The following TRPC7 variants were observed in gnomAD, a reference collection of about 807,000 sequenced individuals.
The protein encoded by TRPC7 is short transient receptor potential channel 7.
TRPC7 carries 42 observed loss-of-function variants against 90.1 expected under a neutral mutation model. The observed-to-expected ratio is 0.47, with a 90% CI of 0.36 to 0.60. The LOEUF is 0.60. Among genes scored for constraint, TRPC7 ranks in the 20% least tolerant of loss-of-function variants. TRPC7 has a pLI of 0.00. For synonymous variants in TRPC7, 451 were observed against 436.3 expected, an observed-to-expected ratio of 1.03 and a Z score of -0.42; for missense variants, 955 against 1,112.3, an observed-to-expected ratio of 0.86 and a Z score of 2.01.
intron 2 of TRPC7, among the ~76,000 whole-genome samples, chr5:136,336,747 T>C (rs11956571): frequency 0.087 from 13,207 of 152,030 alleles, 735 homozygotes; most frequent in Non-Finnish European, 0.13. Context: ...CACCTATGAG[T>C]GAGAACATGT....
chr5:136,253,897 A>G (rs756429996), intron 5 of TRPC7, among the ~76,000 whole-genome samples: 2 of 152,224 alleles, frequency 1.3e-5, no homozygotes, highest in African/African-American at 2.4e-5. Context: ...TGTGCCAGAC[A>G]TCTAAGTTCT....
At chr5:136,340,636 A>G (rs2149852058) in intron 2 of TRPC7, among the ~76,000 whole-genome samples, 1 of 152,272 alleles carries the variant, frequency 6.6e-6, no homozygotes, top group African/African-American at 2.4e-5. Flanking sequence ...CCATAAGCCA[A>G]ACTGAAAAAA....
chr5:136,354,195 AG>A (rs1172098061), intron 2 of TRPC7, among the ~76,000 whole-genome samples: 1 of 152,236 alleles, frequency 6.6e-6, no homozygotes, highest in African/African-American at 2.4e-5. Context: ...CAACAAGCAA[AG>A]TTCAACCAAT....
intron 5 of TRPC7, among the ~76,000 whole-genome samples, chr5:136,264,169 C>G (rs1021589803): frequency 1.3e-5 from 2 of 152,136 alleles, no homozygotes; most frequent in African/African-American, 2.4e-5. Context: ...TAGCTAGAGA[C>G]ACATCCCTTA....
chr5:136,237,320 T>G lies in TRPC7; in HGVS notation c.1845-5771A>C, dbSNP rs1052016607. Among the ~76,000 whole-genome samples the G allele has an allele frequency of 2.0e-4, 30 of 152,164 alleles. 1 individual carries two copies. The highest frequency in any genetic ancestry group is 1.7e-3 in the Admixed American group (26 of 15,280). On this transcript the variant is annotated intron_variant, in intron 7 of 11. Transcript: ENST00000513104. ...ATATGTAAAGCCTGTGCAGCCTAGA[T>G]TTATTTATACTGAGGGGTTTCACTG...
chr5:136,342,815 T>C lies in TRPC7; in HGVS notation c.780+13793A>G, dbSNP rs185629485. ...CAATTGTTTGAGACAAACAAATCTATGCACAGAAAATATAACTGGATCTCC... is the reference window on the plus strand; with the variant it reads ...CAATTGTTTGAGACAAACAAATCTACGCACAGAAAATATAACTGGATCTCC... On this transcript the variant is annotated intron_variant, in intron 2 of 11. Transcript: ENST00000513104. Among the ~76,000 whole-genome samples, 221 of 152,280 alleles carry C rather than the reference T, an allele frequency of 1.5e-3. 1 individual carries two copies. The highest frequency in any genetic ancestry group is 5.2e-3 in the African/African-American group (216 of 41,546).
At chr5:136,346,809 C>T (rs1188660540) in intron 2 of TRPC7, among the ~76,000 whole-genome samples, 2 of 152,152 alleles carry the variant, frequency 1.3e-5, no homozygotes, top group Non-Finnish European at 2.9e-5. Flanking sequence ...CAACCTGGTG[C>T]TTACCCTAAT....
chr5:136,258,205 T>C (rs1443448632), intron 5 of TRPC7, among the ~76,000 whole-genome samples: 2 of 152,230 alleles, frequency 1.3e-5, no homozygotes, highest in Admixed American at 6.5e-5. Flanking sequence ...TCTTCTTAGA[T>C]TTAAATATTA....
intron 2 of TRPC7, among the ~76,000 whole-genome samples, chr5:136,324,544 T>A (rs1759289052): frequency 6.6e-6 from 1 of 152,180 alleles, no homozygotes; most frequent in African/African-American, 2.4e-5. Context: ...TTCCTTTTGA[T>A]CCATAAATCT....
chr5:136,364,008 C>T (rs1327407848), intron 1 of TRPC7, among the ~76,000 whole-genome samples: 1 of 152,008 alleles, frequency 6.6e-6, no homozygotes, highest in Non-Finnish European at 1.5e-5. Context: ...TTTCACTGAC[C>T]TCTATGATAA....
intron 3 of TRPC7, among the ~76,000 whole-genome samples, chr5:136,306,233 T>C (rs1257692871): frequency 6.6e-6 from 1 of 152,214 alleles, no homozygotes; most frequent in Non-Finnish European, 1.5e-5. Context: ...TGAATCTCCT[T>C]AGGCACTCTC....
intron 1 of TRPC7, among the ~76,000 whole-genome samples, chr5:136,361,196 A>C (rs1760558129): frequency 6.6e-6 from 1 of 152,176 alleles, no homozygotes; most frequent in African/African-American, 2.4e-5. Flanking sequence ...GATTGCCCTT[A>C]TTTTAGTATT....
chr5:136,342,624 C>G (rs868225567), intron 2 of TRPC7, among the ~76,000 whole-genome samples: 3 of 152,108 alleles, frequency 2.0e-5, no homozygotes, highest in South Asian at 2.1e-4. Flanking sequence ...AGAAGTTGCT[C>G]TATGGTGGAA....
chr5:136,241,153 A>C (rs905738638), intron 7 of TRPC7, among the ~76,000 whole-genome samples: 1 of 152,220 alleles, frequency 6.6e-6, no homozygotes, highest in African/African-American at 2.4e-5. Context: ...GAAATTTCCC[A>C]TAAGTGTCAC....
chr5:136,343,972 C>T (rs867602703), intron 2 of TRPC7, among the ~76,000 whole-genome samples: 12 of 152,150 alleles, frequency 7.9e-5, no homozygotes, highest in South Asian at 2.1e-4. Context: ...TAAAGACATA[C>T]GCATGTGTAT....
intron 3 of TRPC7, among the ~76,000 whole-genome samples, chr5:136,278,080 T>C (rs1005299030): frequency 3.9e-5 from 6 of 151,974 alleles, no homozygotes; most frequent in Non-Finnish European, 8.8e-5. Flanking sequence ...TGGAGAGGAG[T>C]TGGCCTGCAG....
chr5:136,357,967 C>A (rs936162072), intron 1 of TRPC7, among the ~76,000 whole-genome samples: 2 of 152,182 alleles, frequency 1.3e-5, no homozygotes, highest in African/African-American at 4.8e-5. Flanking sequence ...TGGCTGCCTT[C>A]GGTTCAGATG....
At chr5:136,324,190 A>T (rs763895124) in intron 2 of TRPC7, among the ~76,000 whole-genome samples, 1 of 152,096 alleles carries the variant, frequency 6.6e-6, no homozygotes, top group South Asian at 2.1e-4. Flanking sequence ...TAGTGCCTTT[A>T]GATTCTTTGG....
chr5:136,311,667 G>A (rs953192613), intron 3 of TRPC7, among the ~76,000 whole-genome samples: 1 of 152,238 alleles, frequency 6.6e-6, no homozygotes, highest in Non-Finnish European at 1.5e-5. Flanking sequence ...AGTTTATGTA[G>A]AGAGGCTGCA....
Sources: allele counts gnomAD v4.1 joint callset (sites outside exome capture counted in the v4.1 genomes callset), GRCh38; gene constraint gnomAD v4.1.1; transcripts MANE v1.5; gene names NCBI Gene and HGNC (gene_info 2026-07-23, HGNC 2026-07-21).